The following DCAF6 variants were observed in gnomAD, a reference collection of about 807,000 sequenced individuals.
DCAF6 encodes DDB1 and CUL4 associated factor 6.
Under a neutral mutation model 125.1 loss-of-function variants are expected in DCAF6, and 54 were observed. The ratio of observed to expected loss-of-function variants is 0.43; its 90% CI spans 0.35 to 0.54. DCAF6 has a LOEUF of 0.54. Ranked by LOEUF, DCAF6 falls within the 20% of genes least tolerant of loss-of-function variation. DCAF6 has a pLI of 0.01. For synonymous variants in DCAF6, 371 were observed against 390.4 expected (o/e 0.95, Z 0.58); for missense variants, 934 against 1,161.7 (o/e 0.80, Z 2.85).
chr1:168,037,593 G>A (rs911147575), intron 12 of DCAF6, among the ~76,000 whole-genome samples: 1 of 152,018 alleles, frequency 6.6e-6, no homozygotes, highest in Non-Finnish European at 1.5e-5. Flanking sequence ...GGTGGGGAAG[G>A]TAGCTTTAAA....
At chr1:167,978,322 A>G (rs767384331) in intron 4 of DCAF6, among the ~76,000 whole-genome samples, 10 of 152,232 alleles carry the variant, frequency 6.6e-5, no homozygotes, top group Non-Finnish European at 1.2e-4. Flanking sequence ...GTAACGACTT[A>G]CATTCCCACC....
At chr1:167,973,924 A>G (rs1463159026) in intron 3 of DCAF6, among the ~76,000 whole-genome samples, 1 of 152,180 alleles carries the variant, frequency 6.6e-6, no homozygotes, top group Non-Finnish European at 1.5e-5. Context: ...CTAGTCAAAG[A>G]GTAAGCACAT....
At chr1:167,897,264 T>C in the DCAF6 span, among the ~76,000 whole-genome samples, 1 of 150,840 alleles carries the variant, frequency 6.6e-6, no homozygotes, top group Admixed American at 6.6e-5. Flanking sequence ...GGTGGGCAGA[T>C]TGCTTGAGCT....
At chr1:168,055,157 C>T (rs1354512394) in intron 17 of DCAF6, among the ~76,000 whole-genome samples, 1 of 151,990 alleles carries the variant, frequency 6.6e-6, no homozygotes, top group African/African-American at 2.4e-5. Context: ...CACATACCCA[C>T]AGTAACTTTG....
At chr1:167,883,498 T>C in the DCAF6 span, 4 of 1,614,158 alleles carry the variant, frequency 2.5e-6, no homozygotes, top group African/African-American at 4.0e-5. Flanking sequence ...AGAAGTGATG[T>C]GCATATAGGC....
Position 168,033,607 on chromosome 1 carries a change from G to A in DCAF6, c.1610-4764G>A, listed in dbSNP as rs529027069. 7.2e-3 allele frequency among the ~76,000 whole-genome samples: 1,103 copies of A among 152,162 alleles called. 7 individuals carry two copies. Among genetic ancestry groups the A allele is most frequent in the Non-Finnish European group, 0.014 (939 of 67,976 alleles). On this transcript the variant is annotated intron_variant, in intron 12 of 21. Coordinates refer to ENST00000367840, the MANE Select transcript of DCAF6 (RefSeq NM_001198956.2). ...GCTGGGATTACAGGTGTGAGCCACC[G>A]CGCCCGGCCTGAAAAGGATCTTTTA...
chr1:168,067,112 T>C (rs1484752360), intron 20 of DCAF6, among the ~76,000 whole-genome samples: 1 of 152,224 alleles, frequency 6.6e-6, no homozygotes, highest in African/African-American at 2.4e-5. Flanking sequence ...TTGTGGGTTC[T>C]CATATACTAT....
chr1:167,937,176 C>A (rs950391036), intron 1 of DCAF6, 168 bp downstream of exon 1: 3 of 629,628 alleles, frequency 4.8e-6, no homozygotes, highest in South Asian at 3.8e-5. Context: ...GTGCCTCCCC[C>A]AGTCAAGCCC....
chr1:168,063,850 G>GTAATACTGAAATCCCATT, intron 18 of DCAF6, 91 bp downstream of exon 18: 2 of 1,255,896 alleles, frequency 1.6e-6, no homozygotes, highest in Non-Finnish European at 2.2e-6. Context: ...TATTGCCAAT[G>GTAATACTGAAATCCCATT]GGATTTCAGT....
intron 17 of DCAF6, among the ~76,000 whole-genome samples, chr1:168,058,144 A>T (rs1269613121): frequency 1.3e-5 from 2 of 152,130 alleles, no homozygotes; most frequent in Non-Finnish European, 2.9e-5. Context: ...TCCATGTTAC[A>T]TGTAGCTCTT....
intron 21 of DCAF6, among the ~76,000 whole-genome samples, chr1:168,071,699 T>A (rs1693059016): frequency 2.0e-5 from 3 of 152,150 alleles, no homozygotes; most frequent in Admixed American, 2.0e-4. Context: ...ACCACCTTTT[T>A]AAAACACAAA....
intron 11 of DCAF6, among the ~76,000 whole-genome samples, chr1:168,020,584 T>C (rs1018399410): frequency 2.0e-5 from 3 of 152,176 alleles, no homozygotes; most frequent in Non-Finnish European, 2.9e-5. Flanking sequence ...TATTACATGT[T>C]ACAATAAACT....
intron 17 of DCAF6, among the ~76,000 whole-genome samples, chr1:168,061,957 A>G (rs560448808): frequency 2.0e-5 from 3 of 152,156 alleles, no homozygotes; most frequent in Admixed American, 6.5e-5. Context: ...AACATACACA[A>G]ATGTGGATAG....
intron 11 of DCAF6, chr1:168,019,450 A>G (rs1685406621): frequency 7.8e-6 from 3 of 384,246 alleles, no homozygotes; most frequent in South Asian, 3.8e-5. Context: ...TGAATGAGCT[A>G]TATGTACATG....
intron 7 of DCAF6, among the ~76,000 whole-genome samples, chr1:168,000,634 A>G (rs1255810750): frequency 1.3e-5 from 2 of 152,198 alleles, no homozygotes; most frequent in African/African-American, 4.8e-5. Context: ...ATGGATGAAC[A>G]GAATAGGGTA....
the DCAF6 span, among the ~76,000 whole-genome samples, chr1:167,911,800 A>G: frequency 6.6e-6 from 1 of 152,232 alleles, no homozygotes; most frequent in Admixed American, 6.5e-5. Context: ...TAGTCAGTGT[A>G]GAGATGAATT....
intron 11 of DCAF6, among the ~76,000 whole-genome samples, chr1:168,017,470 T>G (rs1685135406): frequency 6.6e-6 from 1 of 152,118 alleles, no homozygotes; most frequent in South Asian, 2.1e-4. Context: ...TTCACTAATC[T>G]TTTGTAACTA....
At chr1:168,010,599 A>G (rs1684150469) in intron 10 of DCAF6, among the ~76,000 whole-genome samples, 1 of 152,046 alleles carries the variant, frequency 6.6e-6, no homozygotes, top group South Asian at 2.1e-4. Context: ...ATTTTTATAT[A>G]TCTTCTTTTC....
chr1:167,879,614 C>T, the DCAF6 span, among the ~76,000 whole-genome samples: 11 of 152,172 alleles, frequency 7.2e-5, no homozygotes, highest in African/African-American at 2.4e-4. Flanking sequence ...ACATAACTAT[C>T]GTGGTATTTT....
Sources: allele counts gnomAD v4.1 joint callset (sites outside exome capture counted in the v4.1 genomes callset), GRCh38; gene constraint gnomAD v4.1.1; transcripts MANE v1.5; gene names NCBI Gene and HGNC (gene_info 2026-07-23, HGNC 2026-07-21).